GPRIN3: variants seen among roughly 807,000 people sequenced by gnomAD.
The protein encoded by GPRIN3 is GPRIN family member 3.
GPRIN3 carries 12 observed loss-of-function variants against 13.7 expected under a neutral mutation model. The observed-to-expected ratio is 0.87, with a 90% CI of 0.56 to 1.42. The LOEUF (loss-of-function observed/expected upper bound fraction) is 1.42. Among genes scored for constraint, GPRIN3 ranks in the 40% most tolerant of loss-of-function variants. The probability of loss-of-function intolerance (pLI) is 0.00; values close to 1 mark genes in which losing one functional copy is unlikely to be tolerated. For missense variants in GPRIN3, 1,009 were observed against 958.7 expected (o/e 1.05, Z -0.69); for synonymous variants, 377 against 372.7 (o/e 1.01, Z -0.13).
chr4:89,262,752 A>T (rs1723668792), intron 1 of GPRIN3, among the ~76,000 whole-genome samples: 1 of 152,184 alleles, frequency 6.6e-6, no homozygotes, highest in South Asian at 2.1e-4. Context: ...ATAAAAGTTT[A>T]CTTAAGTTAC....
intron 1 of GPRIN3, among the ~76,000 whole-genome samples, chr4:89,275,729 T>A (rs973410570): frequency 3.3e-5 from 5 of 152,214 alleles, no homozygotes; most frequent in African/African-American, 1.2e-4. Flanking sequence ...TCGGTTGTTA[T>A]TTTTTCCCTC....
In GPRIN3 at chr4:89,250,137, A is replaced by G; in HGVS notation, c.-27T>C. 1 of 1,593,178 alleles carries G rather than the reference A, an allele frequency of 6.3e-7. No homozygotes were observed. Among genetic ancestry groups the G allele is most frequent in the South Asian group, 1.1e-5 (1 of 87,090 alleles). ...GAATTTCTCTTCAGGAGCACTCCAG[A>G]GCTCTCTTGAGTACTGGTCCCACTG... is the stretch of plus-strand genomic sequence containing the variant. On this transcript the variant is annotated 5_prime_UTR_variant, in exon 2 of 2. Coordinates refer to ENST00000609438, the MANE Select transcript of GPRIN3 (RefSeq NM_198281.3).
chr4:89,299,834 G>A (rs969896560), intron 1 of GPRIN3, among the ~76,000 whole-genome samples: 2 of 152,128 alleles, frequency 1.3e-5, no homozygotes, highest in Non-Finnish European at 2.9e-5. Flanking sequence ...TGCAAGTTTG[G>A]TCTATGTGTA....
chr4:89,259,094 T>C (rs1723557837), intron 1 of GPRIN3, among the ~76,000 whole-genome samples: 2 of 152,266 alleles, frequency 1.3e-5, no homozygotes. Flanking sequence ...AAGTTTACTA[T>C]ATGTTCCCCT....
chr4:89,255,387 C>T (rs1363105353), intron 1 of GPRIN3, among the ~76,000 whole-genome samples: 15 of 152,176 alleles, frequency 9.9e-5, no homozygotes, highest in Admixed American at 9.8e-4. Context: ...TTTTAGAAAC[C>T]TTGGTATTTA....
intron 1 of GPRIN3, among the ~76,000 whole-genome samples, chr4:89,270,565 T>TTATATACATATATATA (rs1723908636): frequency 1.2e-5 from 1 of 82,348 alleles, no homozygotes; most frequent in Non-Finnish European, 2.2e-5. Context: ...TGTATATAAT[T>TTATATACATATATATA]TATATATATA....
At chr4:89,306,140 A>C (rs1725027676) in intron 1 of GPRIN3, among the ~76,000 whole-genome samples, 1 of 151,978 alleles carries the variant, frequency 6.6e-6, no homozygotes, top group Non-Finnish European at 1.5e-5. Flanking sequence ...ACACACAAAA[A>C]CTCGAAAAAG....
rs140623691 is a variant in GPRIN3, at chr4:89,249,924, C to T, written c.187G>A (p.Glu63Lys). The T allele has an allele frequency of 4.4e-5, 71 of 1,614,200 alleles. No individual in the cohort carries two copies. Among genetic ancestry groups the T allele is most frequent in the Middle Eastern group, 1.6e-4 (1 of 6,062 alleles). ...TGCTCACAAACCTGCATCAGGGCTT[C>T]GGCAGCTGCCCTGGGGCTGAGGTCT... The part of the protein sequence containing the change: ...EPDLSPRAAA[E>K]ALMQVCEHET... Residue 63 changes from glutamate (E) to lysine (K), a missense_variant, in exon 2 of 2, where the codon GAA (glutamate) becomes AAA (lysine). Transcript: ENST00000609438.
In GPRIN3 at chr4:89,243,419, C is replaced by A. The variant is rs1020499365; in HGVS notation, c.*4361G>T. On this transcript the variant is annotated 3_prime_UTR_variant, in exon 2 of 2. Coordinates refer to ENST00000609438, the MANE Select transcript of GPRIN3 (RefSeq NM_198281.3). ...TCTGTTATTTGCCAGGTGGCAGCAG[C>A]TGACCCGAATTTGGAGAGAATCAAC... The A allele has an allele frequency of 1.3e-5, 2 of 152,180 alleles. No individual in the cohort carries two copies. The highest frequency in any genetic ancestry group is 3.8e-4 in the East Asian group (2 of 5,198). The allele number at this position is 152,180 out of a possible 1,614,324, so 9.4% of individuals were successfully genotyped here.
At chr4:89,285,193 G>T (rs1724367935) in intron 1 of GPRIN3, among the ~76,000 whole-genome samples, 1 of 151,226 alleles carries the variant, frequency 6.6e-6, no homozygotes, top group South Asian at 2.1e-4. Context: ...CCTACACAGG[G>T]CGGGGTCGGT....
rs538473561 is a variant in GPRIN3, at chr4:89,284,835, G to C, written c.-124+22780C>G. On this transcript the variant is annotated intron_variant, in intron 1 of 1. Transcript: ENST00000609438. ...CCTAGCTAACTTTGGAAGACATTTA[G>C]ATTATAGTTTAAATGAGAATGAGAC... Among the ~76,000 whole-genome samples the C allele has an allele frequency of 5.3e-5, 8 of 152,300 alleles. No homozygotes were observed. In the South Asian group the frequency reaches 1.0e-3, roughly 20 times the overall value.
chr4:89,266,462 A>G (rs1183308042), intron 1 of GPRIN3, among the ~76,000 whole-genome samples: 1 of 152,194 alleles, frequency 6.6e-6, no homozygotes, highest in Non-Finnish European at 1.5e-5. Flanking sequence ...ACATAATTTG[A>G]CTACAATTAT....
intron 1 of GPRIN3, among the ~76,000 whole-genome samples, chr4:89,299,673 C>A (rs1454239336): frequency 6.6e-6 from 1 of 152,164 alleles, no homozygotes; most frequent in Non-Finnish European, 1.5e-5. Context: ...CTACTGTAAT[C>A]ATTAACTGAG....
intron 1 of GPRIN3, among the ~76,000 whole-genome samples, chr4:89,257,991 G>A (rs1456150292): frequency 6.6e-6 from 1 of 151,900 alleles, no homozygotes; most frequent in Non-Finnish European, 1.5e-5. Flanking sequence ...ACACATATTT[G>A]CAGATCATTT....
At chr4:89,304,779 C>T (rs1724991226) in intron 1 of GPRIN3, among the ~76,000 whole-genome samples, 1 of 152,050 alleles carries the variant, frequency 6.6e-6, no homozygotes, top group South Asian at 2.1e-4. Context: ...CCCCTGAGCC[C>T]TATTCTCATA....
chr4:89,248,493 G>C lies in GPRIN3; in HGVS notation c.1618C>G (p.Pro540Ala). 6.2e-7 allele frequency: 1 copy of C among 1,612,540 alleles called. No homozygotes were observed. The highest frequency in any genetic ancestry group is 1.1e-5 in the South Asian group (1 of 90,786). The change falls in exon 2 of 2, where the codon CCT (proline) becomes GCT (alanine). Residue 540 changes from proline (P) to alanine (A), a missense_variant. Transcript: ENST00000609438. The part of the protein sequence containing the change: ...TNKGDAREKK[P>A]ASPQVVKEKE... ...TCTTTTACTACCTGAGGAGATGCAG[G>C]CTTCTTTTCCCTTGCATCTCCTTTA...
intron 1 of GPRIN3, among the ~76,000 whole-genome samples, chr4:89,277,267 C>T (rs1342208883): frequency 6.6e-6 from 1 of 152,082 alleles, no homozygotes; most frequent in East Asian, 1.9e-4. Context: ...GGGCTAAATT[C>T]GCGAGAAAAC....
chr4:89,299,068 A>G (rs182457167), intron 1 of GPRIN3, among the ~76,000 whole-genome samples: 14 of 152,310 alleles, frequency 9.2e-5, no homozygotes, highest in Admixed American at 3.3e-4. Context: ...TTTGTGTTTT[A>G]AATGGCACTT....
At chr4:89,259,293 T>C (rs534177342) in intron 1 of GPRIN3, among the ~76,000 whole-genome samples, 1 of 152,368 alleles carries the variant, frequency 6.6e-6, no homozygotes, top group South Asian at 2.1e-4. Context: ...TTTAGGTTTG[T>C]TATTCTTTCC....
Sources: allele counts gnomAD v4.1 joint callset (sites outside exome capture counted in the v4.1 genomes callset), GRCh38; gene constraint gnomAD v4.1.1; transcripts MANE v1.5; gene names NCBI Gene and HGNC (gene_info 2026-07-23, HGNC 2026-07-21).